DSCAM: variants seen among roughly 807,000 people sequenced by gnomAD.
DSCAM encodes the protein DS cell adhesion molecule.
In DSCAM, 47 loss-of-function variants were observed where a neutral mutation model predicts 217.7. The ratio of observed to expected loss-of-function variants is 0.22; its 90% CI spans 0.17 to 0.28. The LOEUF (loss-of-function observed/expected upper bound fraction) is 0.28, where lower values mean the gene tolerates loss of function less well. DSCAM is among the 10% of genes least tolerant of loss of function. The pLI, the probability that DSCAM is intolerant of heterozygous loss-of-function variation, is 1.00. For synonymous variants in DSCAM, 1,056 were observed against 1,015.3 expected, an observed-to-expected ratio of 1.04 and a Z score of -0.76; for missense variants, 2,080 against 2,618.3, an observed-to-expected ratio of 0.79 and a Z score of 4.49.
intron 3 of DSCAM, among the ~76,000 whole-genome samples, chr21:40,560,181 G>A (rs1423392465): frequency 6.6e-6 from 1 of 152,210 alleles, no homozygotes; most frequent in East Asian, 1.9e-4. Flanking sequence ...TGTAGGAGCA[G>A]AGAGGCAGCA....
At chr21:40,267,896 C>A (rs938713564) in intron 11 of DSCAM, among the ~76,000 whole-genome samples, 2 of 151,142 alleles carry the variant, frequency 1.3e-5, no homozygotes, top group African/African-American at 2.4e-5. Context: ...AACTCCACCT[C>A]AAAAAAAGAA....
chr21:40,414,468 G>A (rs1000472442), intron 3 of DSCAM, among the ~76,000 whole-genome samples: 5 of 152,114 alleles, frequency 3.3e-5, no homozygotes, highest in Non-Finnish European at 7.4e-5. Flanking sequence ...AAATTAAAAC[G>A]TACTGTGAAG....
chr21:40,625,893 A>G (rs779999701), intron 3 of DSCAM, among the ~76,000 whole-genome samples: 9 of 152,192 alleles, frequency 5.9e-5, no homozygotes, highest in Non-Finnish European at 8.8e-5. Context: ...TCCTCTCGGG[A>G]AATGGGAAAC....
chr21:40,163,070 AACACAC>A (rs3069756), intron 16 of DSCAM, among the ~76,000 whole-genome samples: 99 of 143,234 alleles, frequency 6.9e-4, no homozygotes, highest in South Asian at 1.8e-3. Flanking sequence ...GACCATGGCA[AACACAC>A]ACACACACAC....
At chr21:40,611,041 G>C (rs2089307078) in intron 3 of DSCAM, among the ~76,000 whole-genome samples, 1 of 150,248 alleles carries the variant, frequency 6.7e-6, no homozygotes, top group African/African-American at 2.4e-5. Context: ...AAAGAAACAG[G>C]TGAAATTAGT....
At chr21:40,186,045 C>A (rs575619795) in intron 14 of DSCAM, among the ~76,000 whole-genome samples, 1 of 152,338 alleles carries the variant, frequency 6.6e-6, no homozygotes, top group African/African-American at 2.4e-5. Context: ...TCCAACCCAG[C>A]AGTCACAGAT....
chr21:40,388,839 C>A (rs991095899), intron 3 of DSCAM, among the ~76,000 whole-genome samples: 3 of 152,158 alleles, frequency 2.0e-5, no homozygotes, highest in Non-Finnish European at 4.4e-5. Context: ...TTTTTAATTT[C>A]ATTCCCTGTA....
At chr21:40,464,603 T>C (rs1322169058) in intron 3 of DSCAM, among the ~76,000 whole-genome samples, 3 of 152,142 alleles carry the variant, frequency 2.0e-5, no homozygotes, top group Non-Finnish European at 4.4e-5. Flanking sequence ...GGTACTCCTG[T>C]CCAGCCCACT....
chr21:40,300,343 A>G (rs1342617747), intron 9 of DSCAM, among the ~76,000 whole-genome samples: 4 of 152,208 alleles, frequency 2.6e-5, no homozygotes, highest in East Asian at 1.9e-4. Context: ...ATTTCTTTTT[A>G]TCAGGTGCTG....
intron 20 of DSCAM, among the ~76,000 whole-genome samples, chr21:40,097,048 C>T (rs2089685847): frequency 6.6e-6 from 1 of 151,922 alleles, no homozygotes; most frequent in Non-Finnish European, 1.5e-5. Context: ...AAAGTCCTTC[C>T]AGCAGAAGGA....
intron 19 of DSCAM, among the ~76,000 whole-genome samples, chr21:40,132,912 A>C (rs1377868336): frequency 6.6e-6 from 1 of 152,212 alleles, no homozygotes; most frequent in Non-Finnish European, 1.5e-5. Flanking sequence ...ACAGGAGGTG[A>C]CCAGCAATGG....
At chr21:40,170,170 TGG>T (rs2090640703) in intron 15 of DSCAM, among the ~76,000 whole-genome samples, 1 of 152,190 alleles carries the variant, frequency 6.6e-6, no homozygotes, top group African/African-American at 2.4e-5. Flanking sequence ...GCCTTTTCCC[TGG>T]GGCTTTCTTC....
rs1414294364 is a variant in DSCAM, at chr21:40,722,266, T to C, written c.44-13495A>G. On this transcript the variant is annotated intron_variant, in intron 1 of 32. Transcript: ENST00000400454. ...AAAATGTTAAGCATGTGGGTGAATA[T>C]AAAATCATATTTTCTCACTTTAAAT... 3.9e-5 allele frequency among the ~76,000 whole-genome samples: 6 copies of C among 152,126 alleles called. No individual in the cohort carries two copies. The East Asian group carries it at 9.6e-4, about 24-fold the overall frequency.
At chr21:40,223,279 G>A (rs569795330) in intron 11 of DSCAM, among the ~76,000 whole-genome samples, 3 of 152,314 alleles carry the variant, frequency 2.0e-5, no homozygotes, top group South Asian at 4.1e-4. Context: ...CCTTAGTCCT[G>A]CAACCCAGAG....
chr21:40,567,149 TC>T (rs1160286843), intron 3 of DSCAM, among the ~76,000 whole-genome samples: 4 of 152,202 alleles, frequency 2.6e-5, no homozygotes, highest in Non-Finnish European at 5.9e-5. Flanking sequence ...CATATGTTTT[TC>T]CTTCTGATTT....
intron 3 of DSCAM, among the ~76,000 whole-genome samples, chr21:40,428,429 C>A (rs2145889903): frequency 6.6e-6 from 1 of 152,090 alleles, no homozygotes; most frequent in South Asian, 2.1e-4. Flanking sequence ...CACCACCATG[C>A]CCAGCTAATG....
chr21:40,818,100 C>T (rs1351365776), intron 1 of DSCAM, among the ~76,000 whole-genome samples: 3 of 45,472 alleles, frequency 6.6e-5, no homozygotes, highest in African/African-American at 3.1e-4. Context: ...GAGACTCCGT[C>T]TCAAAAAAAA....
At chr21:40,688,144 C>G (rs185116539) in intron 3 of DSCAM, among the ~76,000 whole-genome samples, 2 of 152,322 alleles carry the variant, frequency 1.3e-5, no homozygotes, top group Admixed American at 6.5e-5. Context: ...AATTGGGCCA[C>G]TGCTAAAGAG....
At chr21:40,097,493 A>G (rs1019346959) in intron 20 of DSCAM, among the ~76,000 whole-genome samples, 1 of 152,236 alleles carries the variant, frequency 6.6e-6, no homozygotes, top group Non-Finnish European at 1.5e-5. Context: ...GTAGCACAAC[A>G]GCAGCAGAAC....
Sources: gnomAD v4.1 joint callset for allele counts (sites outside exome capture counted in the v4.1 genomes callset) on GRCh38, gnomAD v4.1.1 for gene constraint, MANE v1.5 for transcripts, NCBI Gene and HGNC (gene_info 2026-07-23, HGNC 2026-07-21) for gene names.